MYO10: variants seen among roughly 807,000 people sequenced by gnomAD.
The protein encoded by MYO10 is unconventional myosin-X.
In MYO10, 133 loss-of-function variants were observed where a neutral mutation model predicts 257.3. The observed-to-expected ratio is 0.52, with a 90% confidence interval of 0.45 to 0.60. The LOEUF (loss-of-function observed/expected upper bound fraction) is 0.60, where lower values mean the gene tolerates loss of function less well. Among genes scored for constraint, MYO10 ranks in the 20% least tolerant of loss-of-function variants. MYO10 has a pLI of 0.00. For missense variants in MYO10, 2,399 were observed against 2,635.7 expected, an observed-to-expected ratio of 0.91 and a Z score of 1.97; for synonymous variants, 1,104 against 1,028.6, an observed-to-expected ratio of 1.07 and a Z score of -1.40.
At chr5:16,878,082 A>G (rs1744656302) in intron 1 of MYO10, among the ~76,000 whole-genome samples, 1 of 152,208 alleles carries the variant, frequency 6.6e-6, no homozygotes, top group Admixed American at 6.5e-5. Flanking sequence ...GCCCAGCATC[A>G]CAAAGACTGA....
intron 19 of MYO10, among the ~76,000 whole-genome samples, chr5:16,716,056 G>GA (rs36040969): frequency 0.75 from 109,114 of 144,646 alleles, 41,597 homozygotes; most frequent in East Asian, 0.81. Context: ...ACTCCGTCTC[G>GA]AAAAAAAAAA....
chr5:16,864,759 C>T (rs1580088945), intron 2 of MYO10, among the ~76,000 whole-genome samples: 1 of 152,138 alleles, frequency 6.6e-6, no homozygotes, highest in East Asian at 1.9e-4. Flanking sequence ...TTAATGGAAA[C>T]ATCTGACTTT....
intron 3 of MYO10, among the ~76,000 whole-genome samples, chr5:16,805,570 C>T (rs867953843): frequency 6.6e-5 from 10 of 151,988 alleles, no homozygotes; most frequent in African/African-American, 1.9e-4. Context: ...ATATTGTTAC[C>T]GCTCCACAAA....
chr5:16,816,040 T>TAAAAAA (rs570072651), intron 3 of MYO10, among the ~76,000 whole-genome samples: 1 of 92,002 alleles, frequency 1.1e-5, no homozygotes, highest in African/African-American at 4.0e-5. Context: ...TTTCACAGTG[T>TAAAAAA]AAAAAAAAAA....
Position 16,935,876 on chromosome 5 carries a change from C to A in MYO10, c.-68G>T, listed in dbSNP as rs1344687697. 2.5e-6 allele frequency: 4 copies of A among 1,590,400 alleles called. No individual in the cohort carries two copies. In the East Asian group the frequency reaches 6.9e-5, roughly 27 times the overall value. On this transcript the variant is annotated 5_prime_UTR_variant, in exon 1 of 41. Transcript: ENST00000513610. ...CGCGGAAGTCAGCGCCGCCGCGGGT[C>A]CGGGGAAACCATGCGTGTCACGGCG...
intron 1 of MYO10, among the ~76,000 whole-genome samples, chr5:16,909,101 T>A (rs146189263): frequency 0.018 from 2,786 of 152,286 alleles, 48 homozygotes; most frequent in Middle Eastern, 0.037. Context: ...GGACTCACAG[T>A]TCCACATGGG....
chr5:16,812,788 TATG>T (rs112056644), intron 3 of MYO10, among the ~76,000 whole-genome samples: 2,085 of 152,326 alleles, frequency 0.014, 47 homozygotes, highest in African/African-American at 0.048. Context: ...TAAGAGGGAT[TATG>T]ATATCTGACC....
intron 19 of MYO10, among the ~76,000 whole-genome samples, chr5:16,751,292 C>T (rs1351282722): frequency 6.6e-6 from 1 of 152,074 alleles, no homozygotes; most frequent in Non-Finnish European, 1.5e-5. Context: ...AAATAAAGGT[C>T]ATTTGCACAC....
At chr5:16,702,805 T>A in intron 23 of MYO10, 120 bp downstream of exon 23, 2 of 1,006,410 alleles carry the variant, frequency 2.0e-6, no homozygotes, top group African/African-American at 1.6e-5. Flanking sequence ...CACCTAGAGT[T>A]ACTGTTTCAA....
intron 1 of MYO10, among the ~76,000 whole-genome samples, chr5:16,933,578 C>T (rs1439703555): frequency 6.6e-6 from 1 of 152,194 alleles, no homozygotes; most frequent in Non-Finnish European, 1.5e-5. Flanking sequence ...GGAGGCCAAA[C>T]AATTTAGCTG....
At chr5:16,679,263 A>C (rs187037879) in intron 33 of MYO10, among the ~76,000 whole-genome samples, 3 of 152,236 alleles carry the variant, frequency 2.0e-5, no homozygotes, top group African/African-American at 7.2e-5. Context: ...AAGGTCTCCA[A>C]CTGAGGCTGA....
intron 5 of MYO10, among the ~76,000 whole-genome samples, chr5:16,782,533 C>T (rs1016675365): frequency 2.6e-5 from 4 of 152,156 alleles, no homozygotes; most frequent in Non-Finnish European, 5.9e-5. Context: ...GCCACTGCGC[C>T]GTACACTGAA....
At chr5:16,857,591 T>A (rs112478233) in intron 2 of MYO10, among the ~76,000 whole-genome samples, 5 of 152,192 alleles carry the variant, frequency 3.3e-5, no homozygotes, top group Admixed American at 6.5e-5. Context: ...AAGCTCTGGA[T>A]TGAGACCTAG....
In MYO10 at chr5:16,667,053, C is replaced by G. The variant is rs376385766; in HGVS notation, c.6076-260G>C. Among the ~76,000 whole-genome samples the G allele has an allele frequency of 3.7e-4, 56 of 152,344 alleles. 1 individual carries two copies. The South Asian group carries it at 0.011, about 31-fold the overall frequency. On this transcript the variant is annotated intron_variant, in intron 40 of 40. Transcript: ENST00000513610. Reference sequence around the variant, plus strand: ...ACTTGGCTTGATGGAAACTGTCAGACTTTGCACATTAAAATCCAGAACTAA... The same window carrying G: ...ACTTGGCTTGATGGAAACTGTCAGAGTTTGCACATTAAAATCCAGAACTAA...
At chr5:16,876,879 C>A (rs1197917829) in intron 2 of MYO10, among the ~76,000 whole-genome samples, 2 of 152,122 alleles carry the variant, frequency 1.3e-5, no homozygotes, top group Non-Finnish European at 2.9e-5. Context: ...GTATTCTCCC[C>A]CCAAATTAAT....
chr5:16,916,109 C>A (rs904798152), intron 1 of MYO10: 1 of 456,152 alleles, frequency 2.2e-6, no homozygotes, highest in Non-Finnish European at 4.4e-6. Context: ...AAGATGTCAT[C>A]GCTGAAGTCT....
chr5:16,889,153 A>G (rs957716676), intron 1 of MYO10, among the ~76,000 whole-genome samples: 1 of 151,082 alleles, frequency 6.6e-6, no homozygotes, highest in Non-Finnish European at 1.5e-5. Context: ...AGCCTGGGTG[A>G]CAGGGCAAGA....
At chr5:16,935,420 T>C (rs1746407463) in intron 1 of MYO10, among the ~76,000 whole-genome samples, 1 of 152,102 alleles carries the variant, frequency 6.6e-6, no homozygotes, top group South Asian at 2.1e-4. Context: ...AGGTCCCCGC[T>C]GAACATTTTA....
At position 16,663,301 on chromosome 5, in the gene MYO10, GAA is replaced by G. The variant is rs1357493612; in HGVS notation, c.*3389_*3390del. ...AAATGGGTAATTAGGGCTACAGCTG[GAA>G]AAAAGTAACATTTTACTTCTAGTTG... On this transcript the variant is annotated 3_prime_UTR_variant, in exon 41 of 41. Transcript: ENST00000513610. The G allele has an allele frequency of 7.7e-6, 1 of 129,858 alleles. No individual in the cohort carries two copies. Among genetic ancestry groups the G allele is most frequent in the South Asian group, 2.5e-4 (1 of 3,964 alleles). 8.0% of individuals were successfully genotyped at this position (129,858 alleles called of 1,614,324 possible).
Sources: gnomAD v4.1 joint callset for allele counts (sites outside exome capture counted in the v4.1 genomes callset) on GRCh38, gnomAD v4.1.1 for gene constraint, MANE v1.5 for transcripts, NCBI Gene and HGNC (gene_info 2026-07-23, HGNC 2026-07-21) for gene names.